The following RERE variants were observed in gnomAD, a reference collection of about 807,000 sequenced individuals.
The protein encoded by RERE is arginine-glutamic acid dipeptide repeats protein.
RERE carries 40 observed loss-of-function variants against 146.1 expected under a neutral mutation model. The ratio of observed to expected loss-of-function variants is 0.27; its 90% CI spans 0.21 to 0.36. The LOEUF is 0.36. RERE is among the 10% of genes least tolerant of loss of function. The pLI, the probability that RERE is intolerant of heterozygous loss-of-function variation, is 1.00. For synonymous variants in RERE, 1,003 were observed against 866.0 expected (o/e 1.16, Z -2.78); for missense variants, 1,933 against 2,138.7 (o/e 0.90, Z 1.90).
At chr1:8,495,876 TA>T (rs1645038008) in intron 9 of RERE, among the ~76,000 whole-genome samples, 2 of 152,122 alleles carry the variant, frequency 1.3e-5, no homozygotes, top group South Asian at 4.2e-4. Flanking sequence ...TTAGGTGAAT[TA>T]AAAGTAAAAA....
At chr1:8,617,564 C>T (rs1166313254) in intron 3 of RERE, among the ~76,000 whole-genome samples, 1 of 152,070 alleles carries the variant, frequency 6.6e-6, no homozygotes, top group Non-Finnish European at 1.5e-5. Context: ...TTATATGGTA[C>T]AAGCCAAGAA....
At chr1:8,487,666 T>C (rs552753836) in intron 10 of RERE, among the ~76,000 whole-genome samples, 1 of 152,122 alleles carries the variant, frequency 6.6e-6, no homozygotes, top group African/African-American at 2.4e-5. Context: ...TCTCATCACT[T>C]CTATTCAGTA....
Position 8,399,449 on chromosome 1 carries a change from T to C in RERE, c.1284+23278A>G, listed in dbSNP as rs77951689. 7.0e-3 allele frequency among the ~76,000 whole-genome samples: 1,067 copies of C among 152,296 alleles called. 12 individuals are homozygous for C. The highest frequency in any genetic ancestry group is 0.025 in the African/African-American group (1,038 of 41,544). ...AACCATTTACTGAATAATTGGTTAG[T>C]TCCCCACGGATATCACATAGTTCTG... On this transcript the variant is annotated intron_variant, in intron 12 of 22. Transcript: ENST00000400908.
At chr1:8,802,975 T>G (rs2124593348) in intron 1 of RERE, among the ~76,000 whole-genome samples, 1 of 152,274 alleles carries the variant, frequency 6.6e-6, no homozygotes, top group South Asian at 2.1e-4. Flanking sequence ...AGGCAATAAC[T>G]ATGGGTTCTA....
In RERE at chr1:8,556,560, C is replaced by A; in HGVS notation, c.640G>T (p.Glu214Ter). 3 of 1,600,596 alleles carry A rather than the reference C, an allele frequency of 1.9e-6. No individual in the cohort carries two copies. The highest frequency in any genetic ancestry group is 2.2e-5 in the South Asian group (2 of 90,790). Residue 214 changes from glutamate (E) to a stop codon, truncating the protein, a stop_gained, in exon 6 of 23, where the codon GAA becomes TAA. Coordinates refer to ENST00000400908, the MANE Select transcript of RERE (RefSeq NM_001042681.2). LOFTEE classifies it high-confidence loss of function. ...DRHNENDSGR[E>*]LVITDPVIKN... ...ATAACTGGGTCTGTAATGACAAGTT[C>A]TCTTCCAGAGTCTGTCAAAAAATTA...
At chr1:8,478,422 T>G (rs1644787723) in intron 10 of RERE, among the ~76,000 whole-genome samples, 1 of 152,210 alleles carries the variant, frequency 6.6e-6, no homozygotes, top group Non-Finnish European at 1.5e-5. Context: ...GGATAACTAG[T>G]ACTCCAAAGT....
chr1:8,797,275 CTG>C (rs1641494225), intron 1 of RERE, among the ~76,000 whole-genome samples: 1 of 151,934 alleles, frequency 6.6e-6, no homozygotes, highest in African/African-American at 2.4e-5. Context: ...TTAAAAATAA[CTG>C]TGTGACAGAA....
At chr1:8,687,363 G>C (rs1442556237) in intron 1 of RERE, among the ~76,000 whole-genome samples, 1 of 152,196 alleles carries the variant, frequency 6.6e-6, no homozygotes, top group African/African-American at 2.4e-5. Flanking sequence ...ATTTTCTCAT[G>C]CAAGTAGGAA....
chr1:8,752,595 A>G (rs1441146354), intron 1 of RERE, among the ~76,000 whole-genome samples: 1 of 152,186 alleles, frequency 6.6e-6, no homozygotes, highest in Non-Finnish European at 1.5e-5. Context: ...CTGAGAGATA[A>G]CGTAACTTGT....
intron 2 of RERE, among the ~76,000 whole-genome samples, chr1:8,640,797 C>G (rs1647166417): frequency 6.6e-6 from 1 of 152,176 alleles, no homozygotes; most frequent in African/African-American, 2.4e-5. Context: ...CTTACCTTCT[C>G]CCATCTATCT....
At chr1:8,484,430 T>TA (rs1362390456) in intron 10 of RERE, among the ~76,000 whole-genome samples, 1 of 147,604 alleles carries the variant, frequency 6.8e-6, no homozygotes, top group African/African-American at 2.5e-5. Flanking sequence ...AAATAAAACT[T>TA]TTTTTTTTTT....
intron 1 of RERE, among the ~76,000 whole-genome samples, chr1:8,721,716 T>C (rs1442802773): frequency 6.6e-6 from 1 of 152,176 alleles, no homozygotes; most frequent in Non-Finnish European, 1.5e-5. Flanking sequence ...GTTGGAAGGG[T>C]TGCTGGCCTC....
At chr1:8,377,079 T>C (rs1432583301) in intron 12 of RERE, among the ~76,000 whole-genome samples, 2 of 152,162 alleles carry the variant, frequency 1.3e-5, no homozygotes. Flanking sequence ...TAAAATAATT[T>C]AAAAATAAAT....
At chr1:8,802,500 A>G (rs1259147154) in intron 1 of RERE, among the ~76,000 whole-genome samples, 2 of 152,136 alleles carry the variant, frequency 1.3e-5, no homozygotes, top group Non-Finnish European at 2.9e-5. Flanking sequence ...TCCTGCCTCA[A>G]ATCCTCTTAG....
At chr1:8,375,920 ATATT>A (rs541934309) in intron 12 of RERE, among the ~76,000 whole-genome samples, 2 of 152,266 alleles carry the variant, frequency 1.3e-5, no homozygotes, top group East Asian at 1.9e-4. Context: ...ATCTTAATAT[ATATT>A]TATCTTTTAC....
chr1:8,791,816 TAA>T (rs139056789), intron 1 of RERE, among the ~76,000 whole-genome samples: 3,931 of 152,260 alleles, frequency 0.026, 159 homozygotes, highest in African/African-American at 0.089. Flanking sequence ...TATAACTCTT[TAA>T]GAGTCAAACA....
chr1:8,501,300 T>C (rs1645148821), intron 8 of RERE, among the ~76,000 whole-genome samples: 1 of 104,962 alleles, frequency 9.5e-6, no homozygotes, highest in Non-Finnish European at 1.9e-5. Flanking sequence ...AGGACCCCTC[T>C]GCCCGGCCAG....
At chr1:8,479,831 C>G (rs1289992605) in intron 10 of RERE, among the ~76,000 whole-genome samples, 2 of 152,150 alleles carry the variant, frequency 1.3e-5, no homozygotes, top group African/African-American at 4.8e-5. Context: ...GAAACAAATA[C>G]ACTAACCTTC....
At chr1:8,701,626 C>T (rs1436138931) in intron 1 of RERE, among the ~76,000 whole-genome samples, 1 of 152,120 alleles carries the variant, frequency 6.6e-6, no homozygotes, top group East Asian at 1.9e-4. Flanking sequence ...TAATCTTGGT[C>T]AATTCTATCA....
Sources: allele counts gnomAD v4.1 joint callset (sites outside exome capture counted in the v4.1 genomes callset), GRCh38; gene constraint gnomAD v4.1.1; transcripts MANE v1.5; gene names NCBI Gene and HGNC (gene_info 2026-07-23, HGNC 2026-07-21).